The following TEX11 variants were observed in gnomAD, a reference collection of about 807,000 sequenced individuals.
TEX11 encodes the protein testis expressed 11, also known as testis-expressed protein 11.
In TEX11, 7 loss-of-function variants were observed where a neutral mutation model predicts 84.4. That is an observed-to-expected ratio of 0.08 (90% CI 0.05 to 0.16). The LOEUF is 0.16. TEX11 is among the 10% of genes least tolerant of loss of function. The pLI is 1.00. For missense variants in TEX11, 551 were observed against 660.5 expected, an observed-to-expected ratio of 0.83 and a Z score of 1.82; for synonymous variants, 264 against 222.8, an observed-to-expected ratio of 1.18 and a Z score of -1.64.
At chrX:70,908,500 C>A (rs926400385) in intron 1 of TEX11, among the ~76,000 whole-genome samples, 154 bp downstream of exon 1, 2 of 112,359 alleles carry the variant, frequency 1.8e-5, no homozygotes, top group African/African-American at 6.5e-5. Context: ...GCCTTGAGAG[C>A]GACGAGCAGT....
At chrX:70,526,679 A>G (rs1226327668), downstream of TEX11, among the ~76,000 whole-genome samples, 1 of 111,845 alleles carries the variant, frequency 8.9e-6, no homozygotes, top group Non-Finnish European at 1.9e-5. Flanking sequence ...ACACATACAC[A>G]CATTTATTTC....
chrX:70,788,973 T>TATATATAGAGAG (rs1211700739), intron 9 of TEX11, among the ~76,000 whole-genome samples: 5 of 9,560 alleles, frequency 5.2e-4, no homozygotes, highest in Non-Finnish European at 7.2e-4. Flanking sequence ...TATATATATA[T>TATATATAGAGAG]AGAGAGAGAG....
chrX:70,672,188 A>G (rs1025530399), intron 15 of TEX11, among the ~76,000 whole-genome samples: 1 of 110,802 alleles, frequency 9.0e-6, no homozygotes, highest in Non-Finnish European at 1.9e-5. Context: ...ATCTATCAAT[A>G]GTTCATTCCT....
At chrX:70,629,586 T>A in intron 18 of TEX11, 25 bp downstream of exon 18, 1 of 1,202,112 alleles carries the variant, frequency 8.3e-7, no homozygotes, top group Non-Finnish European at 1.1e-6. Flanking sequence ...GATAAAAATC[T>A]AGTAGATGAA....
intron 2 of TEX11, among the ~76,000 whole-genome samples, chrX:70,901,087 G>A (rs188820634): frequency 2.5e-4 from 28 of 111,604 alleles, no homozygotes; most frequent in Admixed American, 7.6e-4. Flanking sequence ...GAATGGTGGC[G>A]CATGCCTATA....
At chrX:70,692,987 G>A (rs775814233) in intron 13 of TEX11, among the ~76,000 whole-genome samples, 22 of 111,850 alleles carry the variant, frequency 2.0e-4, no homozygotes, top group Non-Finnish European at 3.6e-4. Flanking sequence ...GCACACGCCT[G>A]TAATCCCAGC....
intron 9 of TEX11, among the ~76,000 whole-genome samples, chrX:70,757,569 G>A (rs2090876514): frequency 8.9e-6 from 1 of 111,840 alleles, no homozygotes; most frequent in Admixed American, 9.5e-5. Context: ...ACAAGTAAAT[G>A]CTGAGACATT....
chrX:70,902,369 G>A (rs185766017), intron 2 of TEX11, among the ~76,000 whole-genome samples: 187 of 111,699 alleles, frequency 1.7e-3, no homozygotes, highest in African/African-American at 5.8e-3. Context: ...AGTGAGTGGT[G>A]AATATATGTG....
At chrX:70,570,273 G>A (rs2088573384) in intron 25 of TEX11, among the ~76,000 whole-genome samples, 1 of 112,196 alleles carries the variant, frequency 8.9e-6, no homozygotes, top group African/African-American at 3.2e-5. Flanking sequence ...CGCAGTATTG[G>A]GGTGGGAGTG....
chrX:70,889,332 G>A (rs750359344), intron 2 of TEX11, among the ~76,000 whole-genome samples: 18 of 109,704 alleles, frequency 1.6e-4, no homozygotes, highest in Non-Finnish European at 2.3e-4. Flanking sequence ...CAGGAGAATC[G>A]CTTGAACCCA....
At chrX:70,602,163 G>C (rs1023067858) in intron 24 of TEX11, among the ~76,000 whole-genome samples, 1 of 111,911 alleles carries the variant, frequency 8.9e-6, no homozygotes, top group African/African-American at 3.2e-5. Context: ...GCCGGGCGGG[G>C]GGCTGACCCC....
chrX:70,520,379 C>T, the TEX11 span, among the ~76,000 whole-genome samples: 1 of 112,450 alleles, frequency 8.9e-6, no homozygotes, highest in Non-Finnish European at 1.9e-5. Flanking sequence ...TCAGGTCCCT[C>T]AGCTGCAGGT....
chrX:70,651,746 G>GT (rs1283539577), intron 16 of TEX11, among the ~76,000 whole-genome samples, 194 bp from the exon 17 acceptor site: 1 of 111,521 alleles, frequency 9.0e-6, no homozygotes, highest in African/African-American at 3.3e-5. Flanking sequence ...TGGAAATAGA[G>GT]TAAGTTAGAT....
chrX:70,864,383 C>A (rs767314774), intron 4 of TEX11, among the ~76,000 whole-genome samples: 1 of 110,938 alleles, frequency 9.0e-6, no homozygotes, highest in African/African-American at 3.3e-5. Flanking sequence ...AACAGTGGAT[C>A]TCTCTGCAGA....
At chrX:70,875,019 T>A (rs763647730) in intron 3 of TEX11, among the ~76,000 whole-genome samples, 145 of 108,306 alleles carry the variant, frequency 1.3e-3, no homozygotes, top group Non-Finnish European at 2.4e-3. Context: ...TACTAAAATA[T>A]ACAAAAATTA....
chrX:70,773,861 G>A (rs988519024), intron 9 of TEX11, among the ~76,000 whole-genome samples: 2 of 111,358 alleles, frequency 1.8e-5, no homozygotes, highest in African/African-American at 6.5e-5. Flanking sequence ...AAAAGGAGAC[G>A]GAGGTGAGGC....
At chrX:70,794,130 G>C (rs2091141335) in intron 9 of TEX11, among the ~76,000 whole-genome samples, 1 of 111,782 alleles carries the variant, frequency 8.9e-6, no homozygotes, top group Non-Finnish European at 1.9e-5. Flanking sequence ...AGACAGTCTT[G>C]AATTGCCCAC....
intron 25 of TEX11, among the ~76,000 whole-genome samples, chrX:70,565,202 T>G (rs1328402900): frequency 9.0e-6 from 1 of 111,653 alleles, no homozygotes; most frequent in Admixed American, 9.5e-5. Flanking sequence ...CATAAATGTC[T>G]TCTTTTGAGA....
chrX:70,713,731 T>C (rs2090465246), intron 13 of TEX11, among the ~76,000 whole-genome samples: 1 of 111,423 alleles, frequency 9.0e-6, no homozygotes, highest in African/African-American at 3.3e-5. Context: ...GTTGATCTTT[T>C]CAAAAAACCA....
Sources: gnomAD v4.1 joint callset for allele counts (sites outside exome capture counted in the v4.1 genomes callset) on GRCh38, gnomAD v4.1.1 for gene constraint, MANE v1.5 for transcripts, NCBI Gene and HGNC (gene_info 2026-07-23, HGNC 2026-07-21) for gene names.